GLOD4: variants seen among roughly 807,000 people sequenced by gnomAD.
GLOD4 encodes glyoxalase domain containing 4.
In GLOD4, 44 loss-of-function variants were observed where a neutral mutation model predicts 39.1. The ratio of observed to expected loss-of-function variants is 1.13; its 90% CI spans 0.88 to 1.45. GLOD4 has a LOEUF of 1.45. Ranked by LOEUF, GLOD4 falls within the 40% of genes most tolerant of loss-of-function variation. The probability of loss-of-function intolerance (pLI) is 0.00; values close to 1 mark genes in which losing one functional copy is unlikely to be tolerated. For missense variants in GLOD4, 405 were observed against 366.4 expected (o/e 1.11, Z -0.86); for synonymous variants, 145 against 135.0 (o/e 1.07, Z -0.52).
chr17:785,411 A>G (rs1597594863), upstream of GLOD4, among the ~76,000 whole-genome samples: 1 of 152,156 alleles, frequency 6.6e-6, no homozygotes, highest in African/African-American at 2.4e-5. Flanking sequence ...GTAGATTATT[A>G]TATAATGTAT....
Position 781,620 on chromosome 17 carries a change from A to G in GLOD4, c.90+546T>C, listed in dbSNP as rs184599152. The stretch of plus-strand genomic sequence containing the variant: ...GAGGTCCCCAAAACCCAGTTCCCCA[A>G]CCAACTGAATCCTGCAAATAACAGC... On this transcript the variant is annotated intron_variant, in intron 1 of 8. Coordinates refer to ENST00000301329, the MANE Select transcript of GLOD4 (RefSeq NM_016080.4). 2.1e-3 allele frequency among the ~76,000 whole-genome samples: 321 copies of G among 152,158 alleles called. 2 individuals are homozygous for G. Among genetic ancestry groups the G allele is most frequent in the African/African-American group, 7.4e-3 (309 of 41,518 alleles).
At position 775,800 on chromosome 17, in the gene GLOD4, C is replaced by T; in HGVS notation, c.381G>A (p.Leu127=). ...CTGACTGAGGCAGACTGCGATTCTG[C>T]AAATAGAACTTATATCCTCCCGGGG... is the stretch of plus-strand genomic sequence containing the variant. The part of the protein sequence containing the change: ...TEAPGGYKFY[L]QNRSLPQSDP... Residue 127 remains leucine (L), a synonymous_variant, in exon 4 of 9, where the codon TTG becomes TTA. Coordinates refer to ENST00000301329, the MANE Select transcript of GLOD4 (RefSeq NM_016080.4). 6.2e-7 allele frequency: 1 copy of T among 1,613,968 alleles called. No individual in the cohort carries two copies.
intron 4 of GLOD4, among the ~76,000 whole-genome samples, chr17:774,279 G>A (rs769033214): frequency 6.6e-6 from 1 of 152,168 alleles, no homozygotes; most frequent in East Asian, 1.9e-4. Flanking sequence ...ACATTCTACA[G>A]ACTCAGCATG....
At position 782,219 on chromosome 17, in the gene GLOD4, C is replaced by A; in HGVS notation, c.37G>T (p.Val13Leu). ...ARRALHFVFK[V>L]GNRFQTARFY... The stretch of plus-strand genomic sequence containing the variant: ...CGCGCCGTCTGGAAGCGGTTTCCCA[C>A]TTTGAATACGAAGTGCAGAGCTCTG... Residue 13 changes from valine to leucine, a missense_variant, in exon 1 of 9, where the codon GTG becomes TTG. Coordinates refer to ENST00000301329, the MANE Select transcript of GLOD4 (RefSeq NM_016080.4). The A allele has an allele frequency of 6.2e-7, 1 of 1,613,596 alleles. No individual in the cohort carries two copies. Among genetic ancestry groups the A allele is most frequent in the African/African-American group, 1.3e-5 (1 of 75,054 alleles).
intron 8 of GLOD4, among the ~76,000 whole-genome samples, chr17:761,109 G>A (rs1015717850): frequency 1.3e-5 from 2 of 152,212 alleles, no homozygotes; most frequent in East Asian, 3.8e-4. Context: ...TTTGAGGAGT[G>A]TGCAGAACAG....
intron 8 of GLOD4, among the ~76,000 whole-genome samples, chr17:766,337 T>C (rs999213974): frequency 6.6e-6 from 1 of 151,442 alleles, no homozygotes; most frequent in Non-Finnish European, 1.5e-5. Flanking sequence ...GGCTCACGCC[T>C]GTAATCCCAG....
At chr17:762,909 G>A (rs7208895) in intron 8 of GLOD4, among the ~76,000 whole-genome samples, 13,092 of 152,282 alleles carry the variant, frequency 0.086, 1,848 homozygotes, top group African/African-American at 0.3. Context: ...GGGCGCGGTG[G>A]CTCACGCCTG....
At chr17:782,663 T>A (rs777909622), upstream of GLOD4, 12 of 1,610,762 alleles carry the variant, frequency 7.4e-6, no homozygotes, top group African/African-American at 1.3e-5. Flanking sequence ...TTCGCTACGA[T>A]AAAGCTTATC....
Position 760,189 on chromosome 17 carries a change from G to T in GLOD4, c.881C>A (p.Pro294His). 6.3e-7 allele frequency: 1 copy of T among 1,597,518 alleles called. No homozygotes were observed. Among genetic ancestry groups the T allele is most frequent in the Non-Finnish European group, 8.6e-7 (1 of 1,164,970 alleles). Residue 294 changes from proline (P) to histidine (H), a missense_variant, in exon 9 of 9, where the codon CCC becomes CAC. Pro to His is a moderately conservative substitution (Grantham distance 77). Coordinates refer to ENST00000301329, the MANE Select transcript of GLOD4 (RefSeq NM_016080.4). ...TGTCTTCCGTTAACCTGAAGCTTTG[G>T]GTTTATTGTGTTTGGCAAACCACTC... ...SDEWFAKHNK[P>H]KASG
intron 8 of GLOD4, among the ~76,000 whole-genome samples, chr17:763,335 C>G (rs1304086400): frequency 2.0e-5 from 3 of 151,934 alleles, no homozygotes; most frequent in Non-Finnish European, 2.9e-5. Flanking sequence ...TGGTGAAACC[C>G]TGTCTCTACT....
intron 7 of GLOD4, 21 bp downstream of exon 7, chr17:770,023 C>G: frequency 6.4e-7 from 1 of 1,567,096 alleles, no homozygotes; most frequent in Non-Finnish European, 8.8e-7. Flanking sequence ...CCAGCCTGCC[C>G]CCTGCCTGAG....
At chr17:784,282 C>G (rs952131488), upstream of GLOD4, among the ~76,000 whole-genome samples, 12 of 152,312 alleles carry the variant, frequency 7.9e-5, no homozygotes, top group South Asian at 2.1e-4. Flanking sequence ...CCCAGTGAGT[C>G]ACAGGGATCT....
At position 770,441 on chromosome 17, in the gene GLOD4, A is replaced by G; in HGVS notation, c.610T>C (p.Phe204Leu). ...DHAAAFGRIA[F>L]SCPQKELPDL... Reference sequence around the variant, plus strand: ...GTTACCTCTTTCTGGGGGCAAGAGAAGGCAATTCTTCCAAAAGCTGCTGCA... The same window carrying G: ...GTTACCTCTTTCTGGGGGCAAGAGAGGGCAATTCTTCCAAAAGCTGCTGCA... Residue 204 changes from phenylalanine to leucine, a missense_variant, in exon 6 of 9, where the codon TTC becomes CTC. By Grantham distance (22) the Phe-to-Leu change is conservative. Coordinates refer to ENST00000301329, the MANE Select transcript of GLOD4 (RefSeq NM_016080.4). The G allele has an allele frequency of 5.1e-6, 8 of 1,571,676 alleles. No homozygotes were observed. Among genetic ancestry groups the G allele is most frequent in the Non-Finnish European group, 7.0e-6 (8 of 1,141,110 alleles).
rs780507618 is a variant in GLOD4, at chr17:782,148, G to A, written c.90+18C>T. Reference sequence around the variant, plus strand: ...GTTCCAGCCTCGCGCGCCAGCCCCTGTCGGCCCCGGCCTGCACCTTCATCC... The same window carrying A: ...GTTCCAGCCTCGCGCGCCAGCCCCTATCGGCCCCGGCCTGCACCTTCATCC... On this transcript the variant is annotated intron_variant, in intron 1 of 8. Transcript: ENST00000301329. The A allele has an allele frequency of 6.4e-7, 1 of 1,566,772 alleles. No individual in the cohort carries two copies. The highest frequency in any genetic ancestry group is 2.3e-5 in the East Asian group (1 of 44,156).
At chr17:770,555 T>C (rs1907776156) in intron 5 of GLOD4, 48 bp from the exon 6 acceptor site, 1 of 842,610 alleles carries the variant, frequency 1.2e-6, no homozygotes, top group South Asian at 1.3e-5. Flanking sequence ...ATACATTCAT[T>C]ACACGTATGT....
At chr17:782,661 G>C, upstream of GLOD4, 1 of 1,610,836 alleles carries the variant, frequency 6.2e-7, no homozygotes, top group South Asian at 1.1e-5. Flanking sequence ...GCTTCGCTAC[G>C]ATAAAGCTTA....
intron 2 of GLOD4, chr17:777,641 C>CAAA: frequency 7.0e-6 from 1 of 142,282 alleles, no homozygotes; most frequent in Non-Finnish European, 1.5e-5. Context: ...GATTCTGTCT[C>CAAA]AAAAAAAAAA....
intron 1 of GLOD4, chr17:781,949 A>C (rs1315430008): frequency 1.8e-6 from 1 of 542,114 alleles, no homozygotes; most frequent in East Asian, 3.0e-5. Context: ...GTGCGTGGGC[A>C]CACCGCGGGG....
chr17:770,576 T>A (rs760114727), intron 5 of GLOD4, 69 bp from the exon 6 acceptor site: 2 of 795,060 alleles, frequency 2.5e-6, no homozygotes, highest in East Asian at 4.9e-5. Context: ...GGTAGAAAAA[T>A]TCAAATATTA....
Sources: allele counts gnomAD v4.1 joint callset (sites outside exome capture counted in the v4.1 genomes callset), GRCh38; gene constraint gnomAD v4.1.1; transcripts MANE v1.5; gene names NCBI Gene and HGNC (gene_info 2026-07-23, HGNC 2026-07-21).